Variants in ZNF521 observed in about 807,000 individuals in gnomAD.
ZNF521 encodes the protein LYST-interacting protein 3.
In ZNF521, 14 loss-of-function variants were observed where a neutral mutation model predicts 105.5. That is an observed-to-expected ratio of 0.13 (90% CI 0.09 to 0.21). The LOEUF (loss-of-function observed/expected upper bound fraction) is 0.21, where lower values mean the gene tolerates loss of function less well. Ranked by LOEUF, ZNF521 falls within the 10% of genes least tolerant of loss-of-function variation. ZNF521 has a pLI of 1.00. For missense variants in ZNF521, 1,233 were observed against 1,629.7 expected (o/e 0.76, Z 4.19); for synonymous variants, 635 against 606.0 (o/e 1.05, Z -0.70).
chr18:25,217,991 C>G (rs542168935), intron 4 of ZNF521, among the ~76,000 whole-genome samples: 19 of 152,218 alleles, frequency 1.2e-4, no homozygotes, highest in African/African-American at 4.6e-4. Context: ...AGAAACAGGA[C>G]AGCCTCAGTA....
At chr18:25,152,480 A>G (rs2035066961) in intron 5 of ZNF521, among the ~76,000 whole-genome samples, 1 of 143,978 alleles carries the variant, frequency 6.9e-6, no homozygotes, top group Admixed American at 6.8e-5. Context: ...CTCGGTCTCA[A>G]AAAAAAAAAA....
At chr18:25,228,417 T>C (rs1906314544) in intron 3 of ZNF521, among the ~76,000 whole-genome samples, 1 of 152,266 alleles carries the variant, frequency 6.6e-6, no homozygotes, top group South Asian at 2.1e-4. Flanking sequence ...AGAAGGGTAC[T>C]GCTAGATATT....
intron 5 of ZNF521, among the ~76,000 whole-genome samples, chr18:25,110,328 C>T (rs1370409125): frequency 6.6e-6 from 1 of 152,184 alleles, no homozygotes; most frequent in Non-Finnish European, 1.5e-5. Context: ...TGGGCCTGCG[C>T]CTTGGGTCCT....
chr18:25,164,903 C>T (rs949590896), intron 5 of ZNF521, among the ~76,000 whole-genome samples: 1 of 152,104 alleles, frequency 6.6e-6, no homozygotes, highest in Non-Finnish European at 1.5e-5. Context: ...ATAGGTCTGC[C>T]CCTCCAGAAT....
At chr18:25,144,808 G>C (rs879512728) in intron 5 of ZNF521, among the ~76,000 whole-genome samples, 15 of 152,188 alleles carry the variant, frequency 9.9e-5, no homozygotes, top group Admixed American at 9.8e-4. Flanking sequence ...GGAAAACGCA[G>C]GAGGAAAGAG....
chr18:25,229,257 A>G (rs1201053487), intron 3 of ZNF521, among the ~76,000 whole-genome samples: 1 of 152,196 alleles, frequency 6.6e-6, no homozygotes, highest in Non-Finnish European at 1.5e-5. Context: ...CCTTTCCTGC[A>G]TCTAGAAACT....
intron 7 of ZNF521, among the ~76,000 whole-genome samples, chr18:25,066,029 C>G (rs1290034196): frequency 6.6e-6 from 1 of 152,154 alleles, no homozygotes; most frequent in African/African-American, 2.4e-5. Context: ...AAAAATAAAG[C>G]AACCCAATGT....
intron 3 of ZNF521, among the ~76,000 whole-genome samples, chr18:25,255,008 T>C (rs1431306284): frequency 6.6e-6 from 1 of 152,192 alleles, no homozygotes; most frequent in Non-Finnish European, 1.5e-5. Flanking sequence ...TTTGTCTTAC[T>C]GTATGTGCAA....
chr18:25,307,870 T>C (rs1033030152), intron 3 of ZNF521, among the ~76,000 whole-genome samples: 1 of 152,062 alleles, frequency 6.6e-6, no homozygotes, highest in Admixed American at 6.6e-5. Flanking sequence ...AGCCTCCTGA[T>C]AGGTCTTCAG....
chr18:25,145,491 A>T (rs1567981647), intron 5 of ZNF521, among the ~76,000 whole-genome samples: 1 of 152,158 alleles, frequency 6.6e-6, no homozygotes, highest in Non-Finnish European at 1.5e-5. Context: ...GAAAATAAAA[A>T]ACAAACTTCT....
At chr18:25,196,624 C>G (rs189508932) in intron 4 of ZNF521, among the ~76,000 whole-genome samples, 7 of 151,692 alleles carry the variant, frequency 4.6e-5, no homozygotes, top group Admixed American at 1.3e-4. Flanking sequence ...AGGCATATTG[C>G]GAACTGAATG....
intron 7 of ZNF521, among the ~76,000 whole-genome samples, chr18:25,073,759 T>C (rs371985235): frequency 6.6e-6 from 1 of 152,152 alleles, no homozygotes. Flanking sequence ...GCAAAAGAAA[T>C]GCCACTTCCT....
chr18:25,104,447 G>A (rs2034031115), intron 5 of ZNF521, among the ~76,000 whole-genome samples: 1 of 152,152 alleles, frequency 6.6e-6, no homozygotes, highest in Non-Finnish European at 1.5e-5. Context: ...GCCAAGGACT[G>A]TAAAGTTTAT....
intron 5 of ZNF521, among the ~76,000 whole-genome samples, chr18:25,163,568 A>G (rs2035285972): frequency 6.6e-6 from 1 of 152,188 alleles, no homozygotes; most frequent in Admixed American, 6.5e-5. Flanking sequence ...ATTGAGTTTC[A>G]TGGGGGGCTT....
intron 5 of ZNF521, among the ~76,000 whole-genome samples, chr18:25,113,107 C>G (rs1043196079): frequency 6.6e-6 from 1 of 151,492 alleles, no homozygotes; most frequent in African/African-American, 2.4e-5. Flanking sequence ...GAGGCTGGAT[C>G]GCACTGGCAA....
chr18:25,068,484 C>A (rs2033129395), intron 7 of ZNF521, among the ~76,000 whole-genome samples: 1 of 151,962 alleles, frequency 6.6e-6, no homozygotes, highest in Admixed American at 6.6e-5. Context: ...CACCTTTAAG[C>A]ACTATTGCTT....
intron 3 of ZNF521, among the ~76,000 whole-genome samples, chr18:25,245,006 A>T (rs141924943): frequency 2.1e-3 from 327 of 152,322 alleles, no homozygotes; most frequent in African/African-American, 7.6e-3. Flanking sequence ...CTTTTGGGAG[A>T]TAATCTATTT....
chr18:25,141,064 C>T (rs2034838125), intron 5 of ZNF521, among the ~76,000 whole-genome samples: 1 of 152,160 alleles, frequency 6.6e-6, no homozygotes, highest in Non-Finnish European at 1.5e-5. Context: ...CCTGATTCCT[C>T]TCAAGAAGCA....
intron 5 of ZNF521, among the ~76,000 whole-genome samples, chr18:25,125,719 A>G: frequency 1.1e-5 from 1 of 88,856 alleles, no homozygotes; most frequent in African/African-American, 4.0e-5. Flanking sequence ...AGTTTTCAAA[A>G]CTGCTTTTTT....
Sources: gnomAD v4.1 joint callset for allele counts (sites outside exome capture counted in the v4.1 genomes callset) on GRCh38, gnomAD v4.1.1 for gene constraint, MANE v1.5 for transcripts, NCBI Gene and HGNC (gene_info 2026-07-23, HGNC 2026-07-21) for gene names.